Variants in NFIX observed in about 807,000 individuals in gnomAD.
NFIX encodes nuclear factor 1 X-type.
A neutral mutation model predicts 53.3 loss-of-function variants in NFIX; 2 were observed. The ratio of observed to expected loss-of-function variants is 0.04; its 90% CI spans 0.02 to 0.12. The LOEUF (loss-of-function observed/expected upper bound fraction) is 0.12. Ranked by LOEUF, NFIX falls within the 10% of genes least tolerant of loss-of-function variation. NFIX has a pLI of 1.00. For synonymous variants in NFIX, 244 were observed against 289.0 expected (o/e 0.84, Z 1.58); for missense variants, 310 against 674.5 (o/e 0.46, Z 5.99).
rs558041947 is a variant in NFIX, at chr19:13,095,918, T to C, written c.*1269T>C. 6.6e-6 allele frequency: 1 copy of C among 152,142 alleles called. No homozygotes were observed. Among genetic ancestry groups the C allele is most frequent in the South Asian group, 2.1e-4 (1 of 4,824 alleles). 9.4% of individuals were successfully genotyped at this position (152,142 alleles called of 1,614,324 possible). A position where few individuals can be genotyped will look rare whatever the true frequency, so the allele number is the denominator to read the frequency against. Reference sequence around the variant, plus strand: ...ATTTAGGGGTGGGGCATTCATTGTTTGGGTCTTTTGCTGTTGGAATGGGAA... The same window carrying C: ...ATTTAGGGGTGGGGCATTCATTGTTCGGGTCTTTTGCTGTTGGAATGGGAA... On this transcript the variant is annotated 3_prime_UTR_variant, in exon 11 of 11. Coordinates refer to ENST00000592199, the MANE Select transcript of NFIX (RefSeq NM_001365902.3).
Position 13,067,468 on chromosome 19 carries a change from G to A in NFIX, c.560-5579G>A, listed in dbSNP as rs2016488027. On this transcript the variant is annotated intron_variant, in intron 2 of 10. Coordinates refer to ENST00000592199, the MANE Select transcript of NFIX (RefSeq NM_001365902.3). The surrounding 1 kb of genome is among the most constrained non-coding windows in gnomAD (Gnocchi z 4.2). Reference sequence around the variant, plus strand: ...CACCTCCGTGTGTGTGCGCGCGTGTGTGTGTGTGTGTGTGCGTGTGTGTGT... The same window carrying A: ...CACCTCCGTGTGTGTGCGCGCGTGTATGTGTGTGTGTGTGCGTGTGTGTGT... 9.1e-6 allele frequency among the ~76,000 whole-genome samples: 1 copy of A among 109,994 alleles called. No homozygotes were observed. Among genetic ancestry groups the A allele is most frequent in the Non-Finnish European group, 1.8e-5 (1 of 54,640 alleles). 72.2% of individuals were successfully genotyped at this position (109,994 alleles called of 152,430 possible). A position where few individuals can be genotyped will look rare whatever the true frequency, so the allele number is the denominator to read the frequency against.
Position 13,011,111 on chromosome 19 carries a change from G to A in NFIX, c.28-13910G>A, listed in dbSNP as rs1181190482. Among the ~76,000 whole-genome samples, 2 of 152,148 alleles carry A rather than the reference G, an allele frequency of 1.3e-5. No individual in the cohort carries two copies. Among genetic ancestry groups the A allele is most frequent in the African/African-American group, 4.8e-5 (2 of 41,424 alleles). On this transcript the variant is annotated intron_variant, in intron 1 of 10. Coordinates refer to ENST00000592199, the MANE Select transcript of NFIX (RefSeq NM_001365902.3). The surrounding 1 kb of genome is among the most constrained non-coding windows in gnomAD (Gnocchi z 6.5). Reference sequence around the variant, plus strand: ...CTGCAAAAACCATTTCGCCAGGCAGGGATGTAGGGGGAGGCGGGAGCAGCC... The same window carrying A: ...CTGCAAAAACCATTTCGCCAGGCAGAGATGTAGGGGGAGGCGGGAGCAGCC...
rs1348224175 is a variant in NFIX, at chr19:13,081,548, G to T, written c.1079-132G>T. 1.3e-6 allele frequency: 1 copy of T among 785,614 alleles called. No homozygotes were observed. Among genetic ancestry groups the T allele is most frequent in the Admixed American group, 3.1e-5 (1 of 32,720 alleles). 48.7% of individuals were successfully genotyped at this position (785,614 alleles called of 1,614,324 possible). A position where few individuals can be genotyped will look rare whatever the true frequency, so the allele number is the denominator to read the frequency against. ...TTTTTTGTGCCGCCTTAACTTTTGT[G>T]CCTGTGGCGGCTGCCTTACCTGCTC... On this transcript the variant is annotated intron_variant, in intron 7 of 10. Transcript: ENST00000592199. The surrounding 1 kb of genome is among the most constrained non-coding windows in gnomAD (Gnocchi z 4.7).
Position 13,078,830 on chromosome 19 carries a change from G to A in NFIX, c.1078+95G>A. 1.4e-6 allele frequency: 2 copies of A among 1,384,988 alleles called. No homozygotes were observed. Among genetic ancestry groups the A allele is most frequent in the Non-Finnish European group, 1.9e-6 (2 of 1,035,304 alleles). 85.8% of individuals were successfully genotyped at this position (1,384,988 alleles called of 1,614,324 possible). On this transcript the variant is annotated intron_variant, in intron 7 of 10. Coordinates refer to ENST00000592199, the MANE Select transcript of NFIX (RefSeq NM_001365902.3). This position sits in a 1 kb window ranked among gnomAD's most constrained non-coding sequence, Gnocchi z 4.7. ...GTGAAGGGGCCAGAGCTGACCCCGA[G>A]TGACAGCCCCACGCTCTCCAAGTGG...
At chr19:13,075,293 C>T (rs543442824) in intron 5 of NFIX, among the ~76,000 whole-genome samples, 28 of 152,128 alleles carry the variant, frequency 1.8e-4, no homozygotes, top group Middle Eastern at 3.4e-3. Context: ...CTTGGAGGAC[C>T]GTGGCATCAC....
intron 2 of NFIX, chr19:13,070,212 C>T (rs1027333659): frequency 6.6e-6 from 1 of 152,352 alleles, no homozygotes; most frequent in African/African-American, 2.4e-5. Context: ...CTGCCAGCCT[C>T]CTTCCTCTAT....
In NFIX at chr19:13,089,355, G is replaced by T. The variant is rs1369704248; in HGVS notation, c.1403-944G>T. ...CTCCTCTGGGGGCATCTTCCCTTCTGGGGGTGCAGGGCCTGTTCCCTCCAG... is the reference window on the plus strand; with the variant it reads ...CTCCTCTGGGGGCATCTTCCCTTCTTGGGGTGCAGGGCCTGTTCCCTCCAG... On this transcript the variant is annotated intron_variant, in intron 9 of 10. Coordinates refer to ENST00000592199, the MANE Select transcript of NFIX (RefSeq NM_001365902.3). This position sits in a 1 kb window ranked among gnomAD's most constrained non-coding sequence, Gnocchi z 4.8. Among the ~76,000 whole-genome samples the T allele has an allele frequency of 2.0e-5, 3 of 152,144 alleles. No homozygotes were observed. Among genetic ancestry groups the T allele is most frequent in the East Asian group, 3.9e-4 (2 of 5,188 alleles).
In NFIX at chr19:13,043,132, C is replaced by T. The variant is rs2014753296; in HGVS notation, c.559+17580C>T. Among the ~76,000 whole-genome samples the T allele has an allele frequency of 1.3e-5, 2 of 152,248 alleles. No homozygotes were observed. Among genetic ancestry groups the T allele is most frequent in the Non-Finnish European group, 2.9e-5 (2 of 68,044 alleles). ...GTCCCGTTCCTGTATTTATTCTCTGCATCAGCTCACACATTCCTTGATGGA... is the reference window on the plus strand; with the variant it reads ...GTCCCGTTCCTGTATTTATTCTCTGTATCAGCTCACACATTCCTTGATGGA... On this transcript the variant is annotated intron_variant, in intron 2 of 10. Transcript: ENST00000592199. This position sits in a 1 kb window ranked among gnomAD's most constrained non-coding sequence, Gnocchi z 4.0.
rs2013146889 is a variant in NFIX, at chr19:13,024,313, T to C, written c.28-708T>C. On this transcript the variant is annotated intron_variant, in intron 1 of 10. Transcript: ENST00000592199. Reference sequence around the variant, plus strand: ...GTGTTTTGTTCATTATTACTGTGATTAACATTAGTATTGGTGTCGATAACA... The same window carrying C: ...GTGTTTTGTTCATTATTACTGTGATCAACATTAGTATTGGTGTCGATAACA... Among the ~76,000 whole-genome samples, 3 of 152,230 alleles carry C rather than the reference T, an allele frequency of 2.0e-5. No homozygotes were observed. The South Asian group carries it at 6.2e-4, about 31-fold the overall frequency.
chr19:13,044,514 G>A (rs116966309), intron 2 of NFIX, among the ~76,000 whole-genome samples: 1 of 152,258 alleles, frequency 6.6e-6, no homozygotes, highest in East Asian at 1.9e-4. Flanking sequence ...AAACTTCTCA[G>A]TCATGAGGTT....
intron 6 of NFIX, among the ~76,000 whole-genome samples, chr19:13,077,162 T>C (rs2017157880): frequency 6.6e-6 from 1 of 152,128 alleles, no homozygotes; most frequent in Admixed American, 6.5e-5. Flanking sequence ...TGTCTGCAGC[T>C]GGCTCCTGGG....
intron 1 of NFIX, chr19:13,023,953 CA>C (rs1460572937): frequency 8.7e-7 from 1 of 1,152,234 alleles, no homozygotes. Context: ...CCCCTCCCCC[CA>C]CCCGCCCCCA....
intron 8 of NFIX, among the ~76,000 whole-genome samples, chr19:13,082,861 G>C (rs1168336368): frequency 1.3e-5 from 2 of 152,222 alleles, no homozygotes; most frequent in Admixed American, 1.3e-4. Context: ...GTGGGGAAAG[G>C]CATCCCGGAA....
Position 13,081,871 on chromosome 19 carries a change from C to G in NFIX, c.1254+16C>G. The G allele has an allele frequency of 6.2e-7, 1 of 1,612,988 alleles. No homozygotes were observed. Among genetic ancestry groups the G allele is most frequent in the South Asian group, 1.1e-5 (1 of 90,992 alleles). On this transcript the variant is annotated intron_variant, in intron 8 of 10. Coordinates refer to ENST00000592199, the MANE Select transcript of NFIX (RefSeq NM_001365902.3). This position sits in a 1 kb window ranked among gnomAD's most constrained non-coding sequence, Gnocchi z 4.7. The stretch of plus-strand genomic sequence containing the variant: ...CACCGGACAGGTGAGTCCAGAGGGC[C>G]CCAGGAGCCCGGCTACAGCCTCATC...
chr19:13,092,524 G>T (rs1338964671), intron 10 of NFIX, among the ~76,000 whole-genome samples: 1 of 152,244 alleles, frequency 6.6e-6, no homozygotes, highest in Non-Finnish European at 1.5e-5. Context: ...CCAGTGTGAG[G>T]CCCTGGCATG....
intron 2 of NFIX, among the ~76,000 whole-genome samples, chr19:13,058,065 C>T (rs2015824296): frequency 6.6e-6 from 1 of 152,050 alleles, no homozygotes; most frequent in Admixed American, 6.5e-5. Flanking sequence ...GACAGTACAG[C>T]TACAAGTGAC....
intron 7 of NFIX, among the ~76,000 whole-genome samples, chr19:13,080,837 A>G (rs1233676739): frequency 6.6e-6 from 1 of 151,374 alleles, no homozygotes; most frequent in Admixed American, 6.6e-5. Context: ...TGTCTCTACT[A>G]AAAATACAAA....
rs998344498 is a variant in NFIX, at chr19:13,013,951, T to A, written c.28-11070T>A. 6.6e-6 allele frequency: 1 copy of A among 152,244 alleles called. No homozygotes were observed. Among genetic ancestry groups the A allele is most frequent in the African/African-American group, 2.4e-5 (1 of 41,466 alleles). The allele number at this position is 152,244 out of a possible 1,614,324, so 9.4% of individuals were successfully genotyped here. On this transcript the variant is annotated intron_variant, in intron 1 of 10. Transcript: ENST00000592199. This position sits in a 1 kb window ranked among gnomAD's most constrained non-coding sequence, Gnocchi z 5.9. ...GGAGCGAGCTTCTGCGCTGCCTCTG[T>A]CGTCGGAGCCCGGGTTTGCCACGGC...
At chr19:13,057,330 AC>A (rs2015765175) in intron 2 of NFIX, among the ~76,000 whole-genome samples, 1 of 152,240 alleles carries the variant, frequency 6.6e-6, no homozygotes, top group Middle Eastern at 3.4e-3. Context: ...GAAGGAAACA[AC>A]CCCATTGTCA....
Sources: gnomAD v4.1 joint callset for allele counts (sites outside exome capture counted in the v4.1 genomes callset) on GRCh38, gnomAD v4.1.1 for gene constraint, Gnocchi (gnomAD v3.1) non-coding constraint, MANE v1.5 for transcripts, NCBI Gene and HGNC (gene_info 2026-07-23, HGNC 2026-07-21) for gene names.